Variants in RTCA observed in about 807,000 individuals in gnomAD.
The protein encoded by RTCA is RNA 3'-terminal phosphate cyclase.
A neutral mutation model predicts 46.1 loss-of-function variants in RTCA; 37 were observed. That is an observed-to-expected ratio of 0.80 (90% CI 0.62 to 1.06). The LOEUF (loss-of-function observed/expected upper bound fraction) is 1.06. RTCA is among the 50% of genes least tolerant of loss of function. RTCA has a pLI of 0.00. For synonymous variants in RTCA, 164 were observed against 158.3 expected (o/e 1.04, Z -0.27); for missense variants, 435 against 455.5 (o/e 0.95, Z 0.41).
intron 3 of RTCA, among the ~76,000 whole-genome samples, 165 bp downstream of exon 3, chr1:100,268,460 A>G (rs1159548263): frequency 2.0e-5 from 3 of 151,848 alleles, no homozygotes; most frequent in African/African-American, 4.8e-5. Context: ...CAGTGGTGCA[A>G]TCACTGCTCA....
chr1:100,270,756 G>A, intron 4 of RTCA, 76 bp downstream of exon 4: 1 of 1,511,884 alleles, frequency 6.6e-7, no homozygotes, highest in Admixed American at 2.2e-5. Flanking sequence ...AATATATCCT[G>A]AGTGTTTTTT....
intron 4 of RTCA, among the ~76,000 whole-genome samples, chr1:100,272,042 A>T (rs1666130838): frequency 6.6e-6 from 1 of 152,168 alleles, no homozygotes; most frequent in Admixed American, 6.5e-5. Context: ...TCGTATATGG[A>T]TGTACCAGTT....
chr1:100,267,863 A>G (rs973215443), intron 2 of RTCA, among the ~76,000 whole-genome samples: 1 of 152,202 alleles, frequency 6.6e-6, no homozygotes, highest in African/African-American at 2.4e-5. Context: ...GTGGCACTGA[A>G]ATAACTATTA....
chr1:100,270,302 G>A (rs1478900638), intron 3 of RTCA, among the ~76,000 whole-genome samples: 3 of 152,246 alleles, frequency 2.0e-5, no homozygotes, highest in Non-Finnish European at 4.4e-5. Context: ...GTGTTTAGTT[G>A]AAGATTCAGA....
intron 4 of RTCA, 136 bp downstream of exon 4, chr1:100,270,816 T>A: frequency 3.9e-6 from 2 of 509,892 alleles, no homozygotes; most frequent in Non-Finnish European, 2.9e-6. Context: ...TCTTTCTTTC[T>A]TTTTTTTTTT....
Position 100,280,083 on chromosome 1 carries a change from A to G in RTCA, c.799+2767A>G, listed in dbSNP as rs146909579. On this transcript the variant is annotated intron_variant, in intron 8 of 10. Transcript: ENST00000370128. ...TGTGCCAAGGAATGCTGGGCTAGAG[A>G]GGTGAATACTGATAAAAGGGTATTT... Among the ~76,000 whole-genome samples the G allele has an allele frequency of 3.9e-3, 594 of 152,334 alleles. 2 individuals carry two copies. The highest frequency in any genetic ancestry group is 0.013 in the African/African-American group (561 of 41,576).
At chr1:100,287,983 G>A (rs1422562740) in intron 10 of RTCA, among the ~76,000 whole-genome samples, 2 of 151,946 alleles carry the variant, frequency 1.3e-5, no homozygotes, top group African/African-American at 2.4e-5. Context: ...TTGTAGAGAT[G>A]GGGTTTTGCC....
intron 5 of RTCA, among the ~76,000 whole-genome samples, chr1:100,273,661 G>A (rs1666220202): frequency 6.6e-6 from 1 of 152,078 alleles, no homozygotes; most frequent in African/African-American, 2.4e-5. Context: ...TTATTTCTAG[G>A]GAAAATATTT....
At chr1:100,279,357 C>CT (rs1161767227) in intron 8 of RTCA, among the ~76,000 whole-genome samples, 4 of 152,190 alleles carry the variant, frequency 2.6e-5, no homozygotes, top group Non-Finnish European at 5.9e-5. Context: ...GGGAATCCTT[C>CT]TGGGGACTGA....
rs760460011 is a variant in RTCA at position 100,285,339 on chromosome 1, G to A, written c.894+17G>A. ...CAAGACCAGGTAATGACACATTTAG[G>A]TTAAAAACCCTCTAACCTGTTAGAT... On this transcript the variant is annotated intron_variant, in intron 9 of 10. Transcript: ENST00000370128. 6.4e-7 allele frequency: 1 copy of A among 1,561,826 alleles called. No homozygotes were observed. Among genetic ancestry groups the A allele is most frequent in the South Asian group, 1.1e-5 (1 of 89,740 alleles).
chr1:100,283,183 T>TA (rs1413264396), intron 8 of RTCA, among the ~76,000 whole-genome samples: 13 of 90,880 alleles, frequency 1.4e-4, no homozygotes, highest in African/African-American at 3.5e-4. Context: ...TTTTTTTTTT[T>TA]AATTTTGAGA....
Position 100,268,146 on chromosome 1 carries a change from C to A in RTCA, c.147-6C>A, listed in dbSNP as rs754423078. ...ACACGTTTTGATGCAGTATTATGAC[C>A]TGAAGGCCTCAACATTTATCTGGAC... On this transcript the variant is annotated splice_polypyrimidine_tract_variant and splice_region_variant and intron_variant, in intron 2 of 10. Transcript: ENST00000370128. 3.7e-6 allele frequency: 6 copies of A among 1,613,872 alleles called. No individual in the cohort carries two copies. In the East Asian group the frequency reaches 8.9e-5, roughly 24 times the overall value.
intron 3 of RTCA, 103 bp from the exon 4 acceptor site, chr1:100,270,454 T>A: frequency 7.2e-7 from 1 of 1,398,350 alleles, no homozygotes; most frequent in Non-Finnish European, 9.7e-7. Context: ...CAGTTGTCTG[T>A]GCTTTAGTTG....
At chr1:100,284,586 G>C (rs1666922202) in intron 8 of RTCA, among the ~76,000 whole-genome samples, 1 of 151,972 alleles carries the variant, frequency 6.6e-6, no homozygotes, top group African/African-American at 2.4e-5. Context: ...TAGAGATGGG[G>C]TTTTGCCATT....
intron 8 of RTCA, chr1:100,281,212 A>G (rs930567669): frequency 1.9e-6 from 1 of 531,958 alleles, no homozygotes; most frequent in African/African-American, 1.9e-5. Flanking sequence ...AGCCTGGAGA[A>G]TCTCCAAAAT....
At position 100,291,815 on chromosome 1, in the gene RTCA, A is replaced by T. The variant is rs1180680395; in HGVS notation, c.*311A>T. 1 of 171,254 alleles carries T rather than the reference A, an allele frequency of 5.8e-6. No individual in the cohort carries two copies. The highest frequency in any genetic ancestry group is 1.2e-5 in the Non-Finnish European group (1 of 81,196). The allele number at this position is 171,254 out of a possible 1,614,324, so 10.6% of individuals were successfully genotyped here. On this transcript the variant is annotated 3_prime_UTR_variant, in exon 11 of 11. Transcript: ENST00000370128. Reference sequence around the variant, plus strand: ...TTTTATGTAATTAATTAAATCAGGGATATAGATTTGATCTGTAATTTGGGT... The same window carrying T: ...TTTTATGTAATTAATTAAATCAGGGTTATAGATTTGATCTGTAATTTGGGT...
chr1:100,283,547 AT>A (rs1466067238), intron 8 of RTCA, among the ~76,000 whole-genome samples: 2 of 152,154 alleles, frequency 1.3e-5, no homozygotes, highest in Non-Finnish European at 2.9e-5. Context: ...AACCTGTGTT[AT>A]TATTAATAGC....
intron 2 of RTCA, 191 bp downstream of exon 2, chr1:100,266,815 A>G (rs900440267): frequency 5.2e-6 from 3 of 573,096 alleles, no homozygotes; most frequent in African/African-American, 3.7e-5. Context: ...TGGAGGGGTG[A>G]GTTTAGAAAT....
intron 8 of RTCA, 65 bp downstream of exon 8, chr1:100,277,381 T>G: frequency 7.2e-7 from 1 of 1,386,572 alleles, no homozygotes. Flanking sequence ...TCCATCAGGA[T>G]TGGAATGTTA....
Sources: allele counts gnomAD v4.1 joint callset (sites outside exome capture counted in the v4.1 genomes callset), GRCh38; gene constraint gnomAD v4.1.1; transcripts MANE v1.5; gene names NCBI Gene and HGNC (gene_info 2026-07-23, HGNC 2026-07-21).